Variants in DENND2B observed in about 807,000 individuals in gnomAD.
DENND2B encodes the protein DENN domain containing 2B.
Under a neutral mutation model 116.0 loss-of-function variants are expected in DENND2B, and 32 were observed. The ratio of observed to expected loss-of-function variants is 0.28; its 90% CI spans 0.21 to 0.37. DENND2B has a LOEUF of 0.37. Among genes scored for constraint, DENND2B ranks in the 10% least tolerant of loss-of-function variants. The probability of loss-of-function intolerance (pLI) is 1.00; values close to 1 mark genes in which losing one functional copy is unlikely to be tolerated. For synonymous variants in DENND2B, 588 were observed against 583.9 expected (o/e 1.01, Z -0.10); for missense variants, 1,276 against 1,477.7 (o/e 0.86, Z 2.24).
chr11:8,717,808 T>C lies in DENND2B; in HGVS notation c.1562A>G (p.Asn521Ser). 1.2e-6 allele frequency: 2 copies of C among 1,612,818 alleles called. No homozygotes were observed. The highest frequency in any genetic ancestry group is 8.5e-7 in the Non-Finnish European group (1 of 1,179,266). The change falls in exon 5 of 20, where the codon AAC becomes AGC. Residue 521 changes from asparagine (N) to serine (S), a missense_variant. Transcript: ENST00000313726. The stretch of plus-strand genomic sequence containing the variant: ...CATCCTGTGCAAAGAGTCCAAGGAG[T>C]TCTCAGACAGTTGCTGGGATTTTCG... ...AGRKSQQLSE[N>S]SLDSLHRMWS...
intron 2 of DENND2B, among the ~76,000 whole-genome samples, chr11:8,861,601 A>C (rs2063393340): frequency 6.6e-6 from 1 of 152,222 alleles, no homozygotes; most frequent in Non-Finnish European, 1.5e-5. Flanking sequence ...AAATTAGTAC[A>C]ACCTCTATGG....
At chr11:8,847,046 G>A (rs1351480596) in intron 3 of DENND2B, among the ~76,000 whole-genome samples, 1 of 152,206 alleles carries the variant, frequency 6.6e-6, no homozygotes, top group Non-Finnish European at 1.5e-5. Context: ...ATATACATGT[G>A]GATTCTGAAT....
chr11:8,806,541 G>A (rs2060851554), intron 1 of DENND2B, among the ~76,000 whole-genome samples: 1 of 147,188 alleles, frequency 6.8e-6, no homozygotes, highest in Admixed American at 7.0e-5. Flanking sequence ...TAAGAGAAGG[G>A]GTCTTTGGAG....
intron 2 of DENND2B, among the ~76,000 whole-genome samples, chr11:8,740,544 A>T (rs1020471694): frequency 2.6e-5 from 4 of 152,168 alleles, no homozygotes; most frequent in African/African-American, 9.7e-5. Context: ...TAGTAACAAG[A>T]AGGGACTAAG....
chr11:8,887,588 C>T (rs1311158738), intron 1 of DENND2B, among the ~76,000 whole-genome samples: 3 of 152,102 alleles, frequency 2.0e-5, no homozygotes, highest in Non-Finnish European at 4.4e-5. Context: ...CCCTTCCATA[C>T]CTTTTCTCTC....
At chr11:8,843,174 G>A (rs1025464046) in intron 3 of DENND2B, among the ~76,000 whole-genome samples, 1 of 152,054 alleles carries the variant, frequency 6.6e-6, no homozygotes, top group Admixed American at 6.6e-5. Context: ...GTGCCACCAC[G>A]CCTGGCTAAT....
At chr11:8,754,309 A>G (rs1041249348) in intron 1 of DENND2B, among the ~76,000 whole-genome samples, 1 of 152,244 alleles carries the variant, frequency 6.6e-6, no homozygotes, top group African/African-American at 2.4e-5. Context: ...GCCAATAAGC[A>G]TACGAAACAA....
At chr11:8,859,535 C>T (rs2063323968) in intron 2 of DENND2B, among the ~76,000 whole-genome samples, 1 of 152,164 alleles carries the variant, frequency 6.6e-6, no homozygotes, top group African/African-American at 2.4e-5. Flanking sequence ...GTCTCAATCT[C>T]CTGACCTCGT....
At chr11:8,755,694 C>A (rs1412094744) in intron 1 of DENND2B, among the ~76,000 whole-genome samples, 1 of 152,156 alleles carries the variant, frequency 6.6e-6, no homozygotes, top group Non-Finnish European at 1.5e-5. Flanking sequence ...CTTTATGTTG[C>A]CCAGGCTGGT....
intron 1 of DENND2B, among the ~76,000 whole-genome samples, chr11:8,775,513 T>C (rs1382998260): frequency 1.3e-5 from 2 of 152,050 alleles, no homozygotes; most frequent in Non-Finnish European, 1.5e-5. Context: ...CTAATTCCTC[T>C]GACCTTCCAG....
In DENND2B at chr11:8,870,294, T is replaced by C. The variant is rs114616432; in HGVS notation, c.-250+660A>G. ...CCCTCTTTAGAAACACTTGAAAACA[T>C]TGTCTCTTGAACTCTACTCAGTTAC... On this transcript the variant is annotated intron_variant, in intron 2 of 6. Transcript: ENST00000524757. Among the ~76,000 whole-genome samples the C allele has an allele frequency of 4.7e-4, 71 of 152,326 alleles. 1 individual carries two copies. The highest frequency in any genetic ancestry group is 1.4e-3 in the African/African-American group (59 of 41,574).
chr11:8,853,675 G>T (rs1008596453), intron 3 of DENND2B, among the ~76,000 whole-genome samples: 2 of 151,940 alleles, frequency 1.3e-5, no homozygotes, highest in African/African-American at 4.8e-5. Context: ...AAATAAGATA[G>T]AATAAAAAAC....
chr11:8,890,411 G>C (rs1180322195), intron 1 of DENND2B, among the ~76,000 whole-genome samples: 1 of 152,230 alleles, frequency 6.6e-6, no homozygotes, highest in Admixed American at 6.5e-5. Flanking sequence ...GACAAGTTGA[G>C]AGAAGAAGGC....
rs1264414806 is a variant in DENND2B, at chr11:8,730,192, T to G, written c.1098A>C (p.Gly366=). 2.5e-6 allele frequency: 4 copies of G among 1,613,740 alleles called. No homozygotes were observed. The Admixed American group carries it at 6.7e-5, about 27-fold the overall frequency. The change falls in exon 3 of 20, where the codon GGA becomes GGC. Residue 366 remains glycine (G), a synonymous_variant. Transcript: ENST00000313726. This position sits in a 1 kb window ranked among gnomAD's most constrained non-coding sequence, Gnocchi z 4.1. ...GSGSTKPGTP[G]NSPSSQRLPS... ...GCAGCCGCTGGGAGCTAGGGCTATT[T>G]CCAGGGGTCCCGGGCTTAGTGGAAC...
In DENND2B at chr11:8,751,432, A is replaced by G. The variant is rs182847426; in HGVS notation, c.-25-707T>C. Among the ~76,000 whole-genome samples, 322 of 152,304 alleles carry G rather than the reference A, an allele frequency of 2.1e-3. 1 individual carries two copies. The highest frequency in any genetic ancestry group is 7.5e-3 in the African/African-American group (311 of 41,558). On this transcript the variant is annotated intron_variant, in intron 1 of 19. Coordinates refer to ENST00000313726, the MANE Select transcript of DENND2B (RefSeq NM_213618.2). ...GCAACCCACTCGGGTCCCCTTCCAC[A>G]CTGTGGAAGCTTTGTCCTTTCGCCC...
At position 8,788,840 on chromosome 11, in the gene DENND2B, T is replaced by C. The variant is rs535148372; in HGVS notation, c.-26+21677A>G. ...TGACCATTCACTACCTGACAGCTGC[T>C]CTCTGAACTTGGCCAGGCCTCTGTT... On this transcript the variant is annotated intron_variant, in intron 1 of 19. Transcript: ENST00000313726. 1.6e-3 allele frequency among the ~76,000 whole-genome samples: 245 copies of C among 152,336 alleles called. 1 individual carries two copies. The highest frequency in any genetic ancestry group is 5.7e-3 in the African/African-American group (237 of 41,578).
Position 8,707,834 on chromosome 11 carries a change from C to G in DENND2B, c.2373G>C (p.Arg791=), listed in dbSNP as rs1178909634. 1.2e-6 allele frequency: 2 copies of G among 1,611,194 alleles called. No individual in the cohort carries two copies. Among genetic ancestry groups the G allele is most frequent in the Non-Finnish European group, 8.5e-7 (1 of 1,178,898 alleles). ...RRLLPSGKGP[R]LPEVYCVISR... ...TGATGACACAGTACACCTCTGGCAA[C>G]CGGGGCCCTTTCCCACTTGGCTGGG... Residue 791 remains arginine (R), a synonymous_variant, in exon 12 of 20, where the codon CGG becomes CGC. Coordinates refer to ENST00000313726, the MANE Select transcript of DENND2B (RefSeq NM_213618.2). This position sits in a 1 kb window ranked among gnomAD's most constrained non-coding sequence, Gnocchi z 4.8.
In DENND2B at chr11:8,712,458, C is replaced by G; in HGVS notation, c.2172+93G>C. On this transcript the variant is annotated intron_variant, in intron 9 of 19. Transcript: ENST00000313726. This position sits in a 1 kb window ranked among gnomAD's most constrained non-coding sequence, Gnocchi z 4.4. ...GTGGCAGCTCGGTGAGGACGTATGA[C>G]GAACAAGATCTCTCTCCTTCCCCAG... 1 of 1,380,058 alleles carries G rather than the reference C, an allele frequency of 7.2e-7. No homozygotes were observed. The highest frequency in any genetic ancestry group is 9.8e-7 in the Non-Finnish European group (1 of 1,023,624). The allele number at this position is 1,380,058 out of a possible 1,614,324, so 85.5% of individuals were successfully genotyped here. A position where few individuals can be genotyped will look rare whatever the true frequency, so the allele number is the denominator to read the frequency against.
At chr11:8,897,702 G>A (rs918285308) in intron 1 of DENND2B, among the ~76,000 whole-genome samples, 1 of 152,226 alleles carries the variant, frequency 6.6e-6, no homozygotes, top group East Asian at 1.9e-4. Context: ...AGAGACCACA[G>A]TGGGCTACAG....
Sources: allele counts gnomAD v4.1 joint callset (sites outside exome capture counted in the v4.1 genomes callset), GRCh38; gene constraint gnomAD v4.1.1; non-coding constraint Gnocchi (gnomAD v3.1); transcripts MANE v1.5; gene names NCBI Gene and HGNC (gene_info 2026-07-23, HGNC 2026-07-21).